Variants in GNB1 observed in about 807,000 individuals in gnomAD.
GNB1 encodes G protein subunit beta 1.
In GNB1, 2 loss-of-function variants were observed where a neutral mutation model predicts 42.9. The ratio of observed to expected loss-of-function variants is 0.05; its 90% CI spans 0.02 to 0.15. The LOEUF is 0.15. Ranked by LOEUF, GNB1 falls within the 10% of genes least tolerant of loss-of-function variation. The probability of loss-of-function intolerance (pLI) is 1.00; values close to 1 mark genes in which losing one functional copy is unlikely to be tolerated. For synonymous variants in GNB1, 183 were observed against 174.7 expected, an observed-to-expected ratio of 1.05 and a Z score of -0.38; for missense variants, 193 against 462.2, an observed-to-expected ratio of 0.42 and a Z score of 5.34.
intron 1 of GNB1, among the ~76,000 whole-genome samples, chr1:1,874,383 C>T (rs183243689): frequency 1.3e-5 from 2 of 151,576 alleles, no homozygotes; most frequent in African/African-American, 4.8e-5. Flanking sequence ...CTGAGGCGGG[C>T]GGACTGCCTA....
chr1:1,817,219 C>T (rs1040828760), intron 4 of GNB1, among the ~76,000 whole-genome samples: 4 of 152,220 alleles, frequency 2.6e-5, no homozygotes, highest in Admixed American at 6.5e-5. Flanking sequence ...TGTTTGGCTT[C>T]TCTCACTATC....
In GNB1 at chr1:1,876,514, A is replaced by AGAGAGAGAGAGAGAGC. The variant is rs1491127351; in HGVS notation, c.-96+14305_-96+14306insGCTCTCTCTCTCTCTC. 3.0e-3 allele frequency among the ~76,000 whole-genome samples: 448 copies of AGAGAGAGAGAGAGAGC among 149,952 alleles called. 2 individuals are homozygous for AGAGAGAGAGAGAGAGC. Among genetic ancestry groups the AGAGAGAGAGAGAGAGC allele is most frequent in the African/African-American group, 0.011 (429 of 39,890 alleles). On this transcript the variant is annotated intron_variant, in intron 1 of 11. Transcript: ENST00000378609. ...ACACGAGAGAGAGAGAGAGAGAGAG[A>AGAGAGAGAGAGAGAGC]GCGAGCGTGCATGGCCACGTGCACG...
intron 1 of GNB1, among the ~76,000 whole-genome samples, chr1:1,871,858 A>G (rs1649268455): frequency 6.6e-6 from 1 of 151,864 alleles, no homozygotes; most frequent in Admixed American, 6.6e-5. Flanking sequence ...GGCTGACTCT[A>G]CCACCCATTT....
chr1:1,828,693 T>C (rs924343163), intron 2 of GNB1, among the ~76,000 whole-genome samples: 1 of 152,200 alleles, frequency 6.6e-6, no homozygotes, highest in Non-Finnish European at 1.5e-5. Context: ...CACTCTGCTG[T>C]GCCAACATTT....
chr1:1,847,584 A>G (rs1255659420), intron 1 of GNB1, among the ~76,000 whole-genome samples: 2 of 152,218 alleles, frequency 1.3e-5, no homozygotes, highest in East Asian at 3.8e-4. Context: ...GAGAATCCCA[A>G]TAGACAGAAC....
intron 6 of GNB1, 93 bp downstream of exon 6, chr1:1,806,382 T>A: frequency 1.3e-6 from 1 of 770,452 alleles, no homozygotes; most frequent in East Asian, 2.6e-5. Context: ...GCCTTCCCTA[T>A]CCTGTATTAC....
chr1:1,873,371 A>C (rs1303098461), intron 1 of GNB1, among the ~76,000 whole-genome samples: 3 of 152,240 alleles, frequency 2.0e-5, no homozygotes, highest in Non-Finnish European at 4.4e-5. Flanking sequence ...TGAGGAGATC[A>C]GAGGCACCCT....
At chr1:1,819,474 G>A (rs1646901757) in intron 3 of GNB1, among the ~76,000 whole-genome samples, 1 of 152,064 alleles carries the variant, frequency 6.6e-6, no homozygotes, top group African/African-American at 2.4e-5. Context: ...GCTCATCTCA[G>A]CCTCCCAAAG....
At chr1:1,865,653 G>A (rs1022104582) in intron 1 of GNB1, among the ~76,000 whole-genome samples, 4 of 152,148 alleles carry the variant, frequency 2.6e-5, no homozygotes, top group Non-Finnish European at 5.9e-5. Flanking sequence ...TCCAGTGACA[G>A]GATACAGCAA....
At chr1:1,792,682 G>C (rs367971968) in intron 8 of GNB1, among the ~76,000 whole-genome samples, 1 of 135,524 alleles carries the variant, frequency 7.4e-6, no homozygotes, top group Admixed American at 7.8e-5. Flanking sequence ...TGGAGACAGA[G>C]AGAGACTCTA....
intron 1 of GNB1, among the ~76,000 whole-genome samples, chr1:1,844,402 A>G (rs1176298214): frequency 6.6e-6 from 1 of 151,628 alleles, no homozygotes; most frequent in African/African-American, 2.4e-5. Flanking sequence ...AAAAAAAAAA[A>G]AAAGAAAAAG....
In GNB1 at chr1:1,811,223, A is replaced by C. The variant is rs1188037092; in HGVS notation, c.203+4533T>G. Among the ~76,000 whole-genome samples the C allele has an allele frequency of 2.0e-5, 3 of 151,632 alleles. No individual in the cohort carries two copies. The East Asian group carries it at 5.9e-4, about 30-fold the overall frequency. On this transcript the variant is annotated intron_variant, in intron 5 of 11. Coordinates refer to ENST00000378609, the MANE Select transcript of GNB1 (RefSeq NM_002074.5). ...ACCTCAGCCTCTTGAGTGCAGCTGA[A>C]ACTACAGGCACTCGCCACCACACCT... is the stretch of plus-strand genomic sequence containing the variant.
chr1:1,873,747 G>A (rs886552634), intron 1 of GNB1, among the ~76,000 whole-genome samples: 3 of 152,110 alleles, frequency 2.0e-5, no homozygotes, highest in Non-Finnish European at 2.9e-5. Flanking sequence ...GAACCCCAGA[G>A]GCAGAGGTTA....
At chr1:1,844,408 A>G (rs1647508550) in intron 1 of GNB1, among the ~76,000 whole-genome samples, 1 of 151,652 alleles carries the variant, frequency 6.6e-6, no homozygotes, top group Admixed American at 6.6e-5. Context: ...AAAAAAAAGA[A>G]AAAGATGGGC....
At chr1:1,801,713 G>A (rs375367316) in intron 7 of GNB1, among the ~76,000 whole-genome samples, 2 of 152,202 alleles carry the variant, frequency 1.3e-5, no homozygotes, top group East Asian at 3.9e-4. Context: ...CTCAAAGGAA[G>A]GTAGGAAGGG....
At chr1:1,822,378 A>G (rs563597159) in intron 3 of GNB1, among the ~76,000 whole-genome samples, 1 of 141,858 alleles carries the variant, frequency 7.0e-6, no homozygotes, top group Non-Finnish European at 1.5e-5. Flanking sequence ...CTCTCGCCTC[A>G]CTGCAAGCTC....
At chr1:1,814,198 G>C (rs1403528829) in intron 5 of GNB1, among the ~76,000 whole-genome samples, 1 of 152,088 alleles carries the variant, frequency 6.6e-6, no homozygotes, top group Non-Finnish European at 1.5e-5. Context: ...ACTAAAGATA[G>C]AATCTTTTGT....
At chr1:1,865,290 C>CAA (rs60963237) in intron 1 of GNB1, among the ~76,000 whole-genome samples, 4 of 114,798 alleles carry the variant, frequency 3.5e-5, no homozygotes, top group African/African-American at 1.4e-4. Context: ...AAAAAAAAAC[C>CAA]AAAAAAAAAA....
At chr1:1,871,414 C>A (rs531578745) in intron 1 of GNB1, among the ~76,000 whole-genome samples, 2 of 152,118 alleles carry the variant, frequency 1.3e-5, no homozygotes, top group African/African-American at 4.8e-5. Context: ...GAGCCCAGAT[C>A]GCGCTACTGC....
Sources: gnomAD v4.1 joint callset for allele counts (sites outside exome capture counted in the v4.1 genomes callset) on GRCh38, gnomAD v4.1.1 for gene constraint, MANE v1.5 for transcripts, NCBI Gene and HGNC (gene_info 2026-07-23, HGNC 2026-07-21) for gene names.